Variants in RSPO2 observed in about 807,000 individuals in gnomAD.
RSPO2 encodes R-spondin 2.
A neutral mutation model predicts 30.9 loss-of-function variants in RSPO2; 14 were observed. That is an observed-to-expected ratio of 0.45 (90% CI 0.30 to 0.71). The LOEUF is 0.71. Among genes scored for constraint, RSPO2 ranks in the 30% least tolerant of loss-of-function variants. The pLI, the probability that RSPO2 is intolerant of heterozygous loss-of-function variation, is 0.08. For missense variants in RSPO2, 264 were observed against 301.9 expected, an observed-to-expected ratio of 0.87 and a Z score of 0.93; for synonymous variants, 107 against 96.4, an observed-to-expected ratio of 1.11 and a Z score of -0.64.
intron 2 of RSPO2, among the ~76,000 whole-genome samples, chr8:108,040,249 A>C (rs537763164): frequency 6.6e-6 from 1 of 152,302 alleles, no homozygotes; most frequent in Non-Finnish European, 1.5e-5. Context: ...AGGTTGTATA[A>C]ACAGGCATTA....
chr8:108,004,926 T>C (rs1815403038), intron 2 of RSPO2, among the ~76,000 whole-genome samples: 1 of 152,216 alleles, frequency 6.6e-6, no homozygotes, highest in South Asian at 2.1e-4. Context: ...ATGTCCTTTA[T>C]AGTTCTTTAT....
intron 3 of RSPO2, among the ~76,000 whole-genome samples, chr8:107,985,737 G>GA (rs1250990745): frequency 5.1e-4 from 78 of 152,206 alleles, no homozygotes; most frequent in African/African-American, 1.7e-3. Context: ...TAATGAATGA[G>GA]AAAAAATATG....
chr8:108,022,918 T>C (rs1303864064), intron 2 of RSPO2, among the ~76,000 whole-genome samples: 3 of 136,554 alleles, frequency 2.2e-5, no homozygotes, highest in African/African-American at 8.5e-5. Context: ...AGAACAAAAC[T>C]GTCAAAAAAA....
chr8:107,924,877 T>A (rs903296626), intron 5 of RSPO2, among the ~76,000 whole-genome samples: 1 of 151,558 alleles, frequency 6.6e-6, no homozygotes, highest in African/African-American at 2.4e-5. Flanking sequence ...AGATTTATGG[T>A]TTAAATATGC....
rs1815139448 is a variant in RSPO2 at position 107,999,184 on chromosome 8, T to TTTATCTAACAATATTATTTAATATTTAA, written c.95-9941_95-9940insTTAAATATTAAATAATATTGTTAGATAA. Among the ~76,000 whole-genome samples, 4 of 150,274 alleles carry TTTATCTAACAATATTATTTAATATTTAA rather than the reference T, an allele frequency of 2.7e-5. 1 individual carries two copies. Among genetic ancestry groups the TTTATCTAACAATATTATTTAATATTTAA allele is most frequent in the African/African-American group, 1.0e-4 (4 of 39,664 alleles). On this transcript the variant is annotated intron_variant, in intron 2 of 5. Coordinates refer to ENST00000276659, the MANE Select transcript of RSPO2 (RefSeq NM_178565.5). ...ATTAACTTTGAGAAACTCATATTAA[T>TTTATCTAACAATATTATTTAATATTTAA]TTATCTAACAATATTATTTAAATAT...
At chr8:108,035,212 C>CG (rs1811552802) in intron 2 of RSPO2, among the ~76,000 whole-genome samples, 1 of 152,184 alleles carries the variant, frequency 6.6e-6, no homozygotes, top group Non-Finnish European at 1.5e-5. Flanking sequence ...CTTTGAATTA[C>CG]TGTCTCTTAA....
At chr8:108,032,690 G>T (rs1811460725) in intron 2 of RSPO2, among the ~76,000 whole-genome samples, 1 of 152,032 alleles carries the variant, frequency 6.6e-6, no homozygotes, top group Non-Finnish European at 1.5e-5. Flanking sequence ...AAGTACAGTA[G>T]TGTCATCATA....
intron 2 of RSPO2, among the ~76,000 whole-genome samples, chr8:108,059,651 A>G (rs1586667269): frequency 6.8e-6 from 1 of 147,682 alleles, no homozygotes; most frequent in Non-Finnish European, 1.5e-5. Context: ...GCACATATAC[A>G]CCATGGAATA....
At chr8:107,957,818 G>A (rs1347195668) in intron 5 of RSPO2, among the ~76,000 whole-genome samples, 1 of 152,080 alleles carries the variant, frequency 6.6e-6, no homozygotes, top group East Asian at 1.9e-4. Context: ...AACACATTTA[G>A]AAATCTCATT....
intron 3 of RSPO2, among the ~76,000 whole-genome samples, chr8:107,964,791 C>T (rs1450032028): frequency 6.6e-6 from 1 of 152,124 alleles, no homozygotes; most frequent in African/African-American, 2.4e-5. Context: ...AAGCATTTTA[C>T]CCTTCACTGG....
chr8:108,060,298 C>G (rs575119479), intron 2 of RSPO2, among the ~76,000 whole-genome samples: 1 of 151,720 alleles, frequency 6.6e-6, no homozygotes, highest in Non-Finnish European at 1.5e-5. Context: ...AAAGATTAGA[C>G]GAATGGAAAA....
At chr8:107,953,729 G>C (rs746329499) in intron 5 of RSPO2, among the ~76,000 whole-genome samples, 3 of 152,126 alleles carry the variant, frequency 2.0e-5, no homozygotes, top group Non-Finnish European at 2.9e-5. Context: ...GGACCAGTCA[G>C]AGCCTCCATG....
chr8:107,988,686 G>A (rs751360953), intron 3 of RSPO2, among the ~76,000 whole-genome samples: 12 of 151,964 alleles, frequency 7.9e-5, no homozygotes, highest in East Asian at 1.9e-4. Context: ...AGAGCACAGC[G>A]GTGCTATCTC....
In RSPO2 at chr8:107,899,873, G is replaced by C. The variant is rs1811384399; in HGVS notation, c.*1202C>G. 6.6e-6 allele frequency: 1 copy of C among 152,222 alleles called. No individual in the cohort carries two copies. The highest frequency in any genetic ancestry group is 1.5e-5 in the Non-Finnish European group (1 of 68,040). 9.4% of individuals were successfully genotyped at this position (152,222 alleles called of 1,614,324 possible). On this transcript the variant is annotated 3_prime_UTR_variant, in exon 6 of 6. Transcript: ENST00000276659. ...ATCTGAAACAGATTCTGGCTCAACA[G>C]AAACCTGTTAAGATCTGACTGGCAG...
intron 5 of RSPO2, among the ~76,000 whole-genome samples, chr8:107,919,778 C>CTTAAAAACT (rs1286993099): frequency 2.0e-5 from 3 of 152,066 alleles, no homozygotes; most frequent in Non-Finnish European, 4.4e-5. Context: ...AACTCTGATC[C>CTTAAAAACT]CTGAATGCTC....
intron 5 of RSPO2, among the ~76,000 whole-genome samples, chr8:107,957,123 G>A (rs984626647): frequency 6.6e-6 from 1 of 152,132 alleles, no homozygotes; most frequent in African/African-American, 2.4e-5. Flanking sequence ...CTATGAGGCA[G>A]CATAACACGG....
At chr8:108,024,866 A>G (rs949173959) in intron 2 of RSPO2, among the ~76,000 whole-genome samples, 3 of 152,148 alleles carry the variant, frequency 2.0e-5, no homozygotes, top group Admixed American at 2.0e-4. Flanking sequence ...CTAGAAACAC[A>G]AAAATTAGCC....
chr8:107,943,690 T>G (rs772383284), intron 5 of RSPO2, among the ~76,000 whole-genome samples: 1 of 152,212 alleles, frequency 6.6e-6, no homozygotes, highest in Non-Finnish European at 1.5e-5. Context: ...TTGATGACTA[T>G]ATTAAGTCAA....
intron 2 of RSPO2, among the ~76,000 whole-genome samples, chr8:108,081,070 T>C (rs2130740994): frequency 6.6e-6 from 1 of 152,278 alleles, no homozygotes; most frequent in East Asian, 1.9e-4. Context: ...AGTAAAATAA[T>C]TTCTGAAAAT....
Sources: allele counts gnomAD v4.1 joint callset (sites outside exome capture counted in the v4.1 genomes callset), GRCh38; gene constraint gnomAD v4.1.1; transcripts MANE v1.5; gene names NCBI Gene and HGNC (gene_info 2026-07-23, HGNC 2026-07-21).